Variants in MTPAP observed in about 807,000 individuals in gnomAD.
MTPAP encodes mitochondrial poly(A) polymerase, also known as poly(A) RNA polymerase, mitochondrial.
A neutral mutation model predicts 48.7 loss-of-function variants in MTPAP; 23 were observed. The observed-to-expected ratio is 0.47, with a 90% CI of 0.34 to 0.67. The LOEUF (loss-of-function observed/expected upper bound fraction) is 0.67. Ranked by LOEUF, MTPAP falls within the 30% of genes least tolerant of loss-of-function variation. MTPAP has a pLI of 0.01. For missense variants in MTPAP, 614 were observed against 694.3 expected, an observed-to-expected ratio of 0.88 and a Z score of 1.30; for synonymous variants, 257 against 254.1, an observed-to-expected ratio of 1.01 and a Z score of -0.11.
intron 4 of MTPAP, 29 bp from the exon 5 acceptor site, chr10:30,326,664 A>G: frequency 6.4e-7 from 1 of 1,570,546 alleles, no homozygotes; most frequent in Non-Finnish European, 8.8e-7. Context: ...TCTAAATAGG[A>G]GCTTTTGGTA....
intron 6 of MTPAP, among the ~76,000 whole-genome samples, chr10:30,320,361 C>G (rs1840707889): frequency 6.6e-6 from 1 of 151,942 alleles, no homozygotes; most frequent in South Asian, 2.1e-4. Context: ...CCCGTTTCAA[C>G]AAAAAATTAA....
intron 7 of MTPAP, 34 bp from the exon 8 acceptor site, chr10:30,316,070 A>C: frequency 6.2e-7 from 1 of 1,609,684 alleles, no homozygotes; most frequent in Non-Finnish European, 8.5e-7. Flanking sequence ...AATCAGAGGA[A>C]AGCCTGTTTC....
chr10:30,326,325 G>T, intron 5 of MTPAP, 99 bp downstream of exon 5: 1 of 1,087,108 alleles, frequency 9.2e-7, no homozygotes, highest in Non-Finnish European at 1.3e-6. Context: ...TATTATTCAA[G>T]CATGTTTAAG....
chr10:30,343,909 C>G (rs1834840578), intron 1 of MTPAP, among the ~76,000 whole-genome samples: 1 of 152,150 alleles, frequency 6.6e-6, no homozygotes, highest in African/African-American at 2.4e-5. Context: ...GCCTCCATTC[C>G]CAATGACAAT....
At chr10:30,340,495 ATC>A in intron 2 of MTPAP, 45 bp from the exon 3 acceptor site, 1 of 1,328,166 alleles carries the variant, frequency 7.5e-7, no homozygotes, top group Non-Finnish European at 1.1e-6. Context: ...TTCACGATAT[ATC>A]TAACATACTA....
chr10:30,319,398 A>G (rs1212918920), intron 6 of MTPAP, among the ~76,000 whole-genome samples: 5 of 152,242 alleles, frequency 3.3e-5, no homozygotes, highest in African/African-American at 1.2e-4. Context: ...AAAAGAACAA[A>G]TTGATTATTT....
rs533505381 is a variant in MTPAP at position 30,323,573 on chromosome 10, G to A, written c.993-956C>T. ...CGCCCAGGCTAGAGCGCAATGGCGCGATCTTGGCTCACTGCAAGCTCCGAC... is the reference window on the plus strand; with the variant it reads ...CGCCCAGGCTAGAGCGCAATGGCGCAATCTTGGCTCACTGCAAGCTCCGAC... On this transcript the variant is annotated intron_variant, in intron 5 of 8. Transcript: ENST00000263063. Among the ~76,000 whole-genome samples, 20 of 151,998 alleles carry A rather than the reference G, an allele frequency of 1.3e-4. No homozygotes were observed. The South Asian group carries it at 1.5e-3, about 11-fold the overall frequency.
intron 8 of MTPAP, among the ~76,000 whole-genome samples, chr10:30,315,487 G>GT (rs1840649546): frequency 6.8e-6 from 1 of 146,542 alleles, no homozygotes; most frequent in South Asian, 2.1e-4. Flanking sequence ...AATCCAAATC[G>GT]TAAGTTCATT....
chr10:30,324,890 G>A (rs1834564972), intron 5 of MTPAP, among the ~76,000 whole-genome samples: 1 of 151,988 alleles, frequency 6.6e-6, no homozygotes, highest in South Asian at 2.1e-4. Context: ...GAAGGCTGAG[G>A]CAGGAGAATT....
At chr10:30,322,696 A>G in intron 5 of MTPAP, 79 bp from the exon 6 acceptor site, 1 of 955,130 alleles carries the variant, frequency 1.0e-6, no homozygotes, top group South Asian at 1.4e-5. Context: ...AAACCAAGAA[A>G]CACATCTAAA....
chr10:30,331,343 C>T (rs1834663648), intron 4 of MTPAP, among the ~76,000 whole-genome samples: 1 of 152,166 alleles, frequency 6.6e-6, no homozygotes, highest in Non-Finnish European at 1.5e-5. Flanking sequence ...TAACAGAAAG[C>T]AGTACTCAAG....
intron 4 of MTPAP, among the ~76,000 whole-genome samples, chr10:30,331,837 G>C (rs984312032): frequency 6.6e-6 from 1 of 152,258 alleles, no homozygotes; most frequent in African/African-American, 2.4e-5. Context: ...AAAGTGCTGG[G>C]ATTACAGGCG....
chr10:30,323,438 C>A (rs186547410), intron 5 of MTPAP, among the ~76,000 whole-genome samples: 326 of 93,444 alleles, frequency 3.5e-3, no homozygotes, highest in Middle Eastern at 0.014. Flanking sequence ...GGTGTCAGAG[C>A]AAGACCCTGC....
rs146277155 is a variant in MTPAP, at chr10:30,338,328, A to G, written c.556-1301T>C. Among the ~76,000 whole-genome samples the G allele has an allele frequency of 2.2e-3, 310 of 142,740 alleles. 2 individuals are homozygous for G. Among genetic ancestry groups the G allele is most frequent in the African/African-American group, 7.1e-3 (289 of 40,952 alleles). 93.6% of individuals were successfully genotyped at this position (142,740 alleles called of 152,430 possible). A position where few individuals can be genotyped will look rare whatever the true frequency, so the allele number is the denominator to read the frequency against. On this transcript the variant is annotated intron_variant, in intron 3 of 8. Transcript: ENST00000263063. Reference sequence around the variant, plus strand: ...CATAACAACATAACATTAACATAACATAACATAACGTAACATAACTGAACT... The same window carrying G: ...CATAACAACATAACATTAACATAACGTAACATAACGTAACATAACTGAACT...
intron 5 of MTPAP, among the ~76,000 whole-genome samples, chr10:30,323,540 C>A (rs142173988): frequency 6.6e-6 from 1 of 151,956 alleles, no homozygotes; most frequent in Non-Finnish European, 1.5e-5. Flanking sequence ...GACGGAGTCT[C>A]GCTCTGTCGC....
chr10:30,347,906 A>G (rs1000228100), intron 1 of MTPAP, among the ~76,000 whole-genome samples: 14 of 151,174 alleles, frequency 9.3e-5, no homozygotes, highest in Admixed American at 2.6e-4. Flanking sequence ...AGAAAAAAAA[A>G]AAACAGTGGG....
In MTPAP at chr10:30,340,498, T is replaced by G. The variant is rs751261841; in HGVS notation, c.331-48A>C. 6.3e-5 allele frequency: 79 copies of G among 1,255,228 alleles called. 1 individual carries two copies. Among genetic ancestry groups the G allele is most frequent in the Middle Eastern group, 1.9e-4 (1 of 5,394 alleles). The allele number at this position is 1,255,228 out of a possible 1,614,324, so 77.8% of individuals were successfully genotyped here. A position where few individuals can be genotyped will look rare whatever the true frequency, so the allele number is the denominator to read the frequency against. ...AACAGAACACATTTCACGATATATC[T>G]AACATACTATTTTAGCTCATATATT... On this transcript the variant is annotated intron_variant, in intron 2 of 8. Transcript: ENST00000263063.
rs35494590 is a variant in MTPAP at position 30,313,473 on chromosome 10, G to A, written c.*136C>T. 35 of 1,231,842 alleles carry A rather than the reference G, an allele frequency of 2.8e-5. No homozygotes were observed. Among genetic ancestry groups the A allele is most frequent in the Non-Finnish European group, 3.9e-5 (33 of 851,344 alleles). 76.3% of individuals were successfully genotyped at this position (1,231,842 alleles called of 1,614,324 possible). On this transcript the variant is annotated 3_prime_UTR_variant, in exon 9 of 9. Transcript: ENST00000263063. Reference sequence around the variant, plus strand: ...TCCCAGAACTTCAGACCAGGTTAAGGGGGCCAATGAGAAGATCATGAAAAG... The same window carrying A: ...TCCCAGAACTTCAGACCAGGTTAAGAGGGCCAATGAGAAGATCATGAAAAG...
At chr10:30,314,451 TATTA>T (rs990156374) in intron 8 of MTPAP, among the ~76,000 whole-genome samples, 3 of 152,218 alleles carry the variant, frequency 2.0e-5, no homozygotes, top group Admixed American at 1.3e-4. Flanking sequence ...AAATTAAATA[TATTA>T]ATTAATGTTT....
Sources: allele counts gnomAD v4.1 joint callset (sites outside exome capture counted in the v4.1 genomes callset), GRCh38; gene constraint gnomAD v4.1.1; transcripts MANE v1.5; gene names NCBI Gene and HGNC (gene_info 2026-07-23, HGNC 2026-07-21).